ATP9B: variants seen among roughly 807,000 people sequenced by gnomAD.
The protein encoded by ATP9B is probable phospholipid-transporting ATPase IIB.
In ATP9B, 110 loss-of-function variants were observed where a neutral mutation model predicts 146.1. The observed-to-expected ratio is 0.75, with a 90% confidence interval of 0.65 to 0.88. The LOEUF is 0.88. ATP9B is among the 40% of genes least tolerant of loss of function. The pLI, the probability that ATP9B is intolerant of heterozygous loss-of-function variation, is 0.00. For synonymous variants in ATP9B, 604 were observed against 569.7 expected (o/e 1.06, Z -0.86); for missense variants, 1,499 against 1,496.4 (o/e 1.00, Z -0.03).
intron 7 of ATP9B, among the ~76,000 whole-genome samples, chr18:79,157,231 C>CAT (rs1202783828): frequency 4.0e-5 from 6 of 150,940 alleles, no homozygotes; most frequent in African/African-American, 1.5e-4. Flanking sequence ...CACACACACA[C>CAT]ACACACACAC....
At chr18:79,073,381 C>T (rs2072192080) in intron 1 of ATP9B, among the ~76,000 whole-genome samples, 1 of 152,246 alleles carries the variant, frequency 6.6e-6, no homozygotes, top group Admixed American at 6.5e-5. Flanking sequence ...AATCCCAGCA[C>T]CCCGGGAGGC....
chr18:79,118,383 C>CGTTTTT (rs2094125620), intron 4 of ATP9B, among the ~76,000 whole-genome samples: 1 of 102,800 alleles, frequency 9.7e-6, no homozygotes, highest in African/African-American at 3.7e-5. Flanking sequence ...TCATATTGAA[C>CGTTTTT]GTTTTTGTTT....
intron 7 of ATP9B, among the ~76,000 whole-genome samples, chr18:79,155,153 C>T (rs960397621): frequency 6.6e-6 from 1 of 152,012 alleles, no homozygotes; most frequent in Non-Finnish European, 1.5e-5. Context: ...GCTTAAGATA[C>T]AAAAGGGAGC....
intron 15 of ATP9B, among the ~76,000 whole-genome samples, chr18:79,316,806 A>G (rs1034977521): frequency 6.6e-6 from 1 of 152,212 alleles, no homozygotes; most frequent in African/African-American, 2.4e-5. Context: ...CATACAAGTA[A>G]TGATTGAGTA....
intron 7 of ATP9B, among the ~76,000 whole-genome samples, chr18:79,174,866 T>C (rs1304241413): frequency 6.6e-6 from 1 of 152,170 alleles, no homozygotes; most frequent in African/African-American, 2.4e-5. Context: ...CTTTTAGTGA[T>C]GAATAAATAC....
rs186496777 is a variant in ATP9B, at chr18:79,351,884, C to T, written c.2903+3688C>T. On this transcript the variant is annotated intron_variant, in intron 25 of 29. Coordinates refer to ENST00000426216, the MANE Select transcript of ATP9B (RefSeq NM_198531.5). Reference sequence around the variant, plus strand: ...AGAGACAGGACAGCCTGGGGAGGTTCCTGTGACCCCCAAGCCCACTCTGCC... The same window carrying T: ...AGAGACAGGACAGCCTGGGGAGGTTTCTGTGACCCCCAAGCCCACTCTGCC... Among the ~76,000 whole-genome samples the T allele has an allele frequency of 5.9e-5, 9 of 152,192 alleles. No individual in the cohort carries two copies. In the South Asian group the frequency reaches 1.7e-3, roughly 28 times the overall value.
At chr18:79,231,798 A>G (rs2095794932) in intron 11 of ATP9B, among the ~76,000 whole-genome samples, 1 of 112,942 alleles carries the variant, frequency 8.9e-6, no homozygotes, top group African/African-American at 3.2e-5. Flanking sequence ...ATATATATAT[A>G]TATATACACA....
intron 15 of ATP9B, among the ~76,000 whole-genome samples, chr18:79,321,986 A>T (rs1301589130): frequency 1.3e-5 from 2 of 152,182 alleles, no homozygotes; most frequent in African/African-American, 2.4e-5. Context: ...TGTGGAGAAG[A>T]AGTTTTATTG....
At chr18:79,127,599 C>T (rs1390900265) in intron 5 of ATP9B, among the ~76,000 whole-genome samples, 1 of 152,148 alleles carries the variant, frequency 6.6e-6, no homozygotes, top group Non-Finnish European at 1.5e-5. Flanking sequence ...TTTTGTGTAT[C>T]CATTCATTAG....
At chr18:79,366,303 G>A (rs567986779) in intron 26 of ATP9B, among the ~76,000 whole-genome samples, 22 of 152,246 alleles carry the variant, frequency 1.4e-4, no homozygotes, top group Non-Finnish European at 2.6e-4. Flanking sequence ...CCAGCATGGA[G>A]CTAAGGGAGG....
chr18:79,069,445 G>A lies in ATP9B; in HGVS notation c.35G>A (p.Ser12Asn), dbSNP rs760374686. 4 of 1,517,408 alleles carry A rather than the reference G, an allele frequency of 2.6e-6. No homozygotes were observed. The highest frequency in any genetic ancestry group is 3.5e-6 in the Non-Finnish European group (4 of 1,136,308). 94.0% of individuals were successfully genotyped at this position (1,517,408 alleles called of 1,614,324 possible). Residue 12 changes from serine to asparagine, a missense_variant, in exon 1 of 30, where the codon AGC becomes AAC. Transcript: ENST00000426216. ...ADQIPLYPVR[S>N]AAAAAANRKR... is the part of the protein sequence containing the mutation. ...CAGATCCCGCTTTACCCGGTGCGTA[G>A]CGCAGCGGCGGCCGCAGCCAACCGC... is the stretch of plus-strand genomic sequence containing the variant.
intron 4 of ATP9B, among the ~76,000 whole-genome samples, chr18:79,121,726 C>T (rs2094193137): frequency 1.3e-5 from 2 of 152,326 alleles, no homozygotes; most frequent in South Asian, 4.1e-4. Context: ...ACATGTGTTA[C>T]TTATTCAGAG....
chr18:79,321,451 CAGCTCA>C (rs1180043067), intron 15 of ATP9B, among the ~76,000 whole-genome samples: 19 of 150,978 alleles, frequency 1.3e-4, no homozygotes, highest in African/African-American at 4.6e-4. Flanking sequence ...GGCACGATCT[CAGCTCA>C]CTGCAACCTC....
At chr18:79,369,773 T>C (rs1048733660) in intron 26 of ATP9B, among the ~76,000 whole-genome samples, 4 of 152,128 alleles carry the variant, frequency 2.6e-5, no homozygotes, top group African/African-American at 4.8e-5. Context: ...TGTACACATA[T>C]GACTTTGAGG....
chr18:79,372,552 TTAG>T, intron 26 of ATP9B: 1 of 605,106 alleles, frequency 1.7e-6, no homozygotes, highest in Non-Finnish European at 3.1e-6. Context: ...CACTCCTGGC[TTAG>T]TAGAGCCAAC....
chr18:79,135,474 A>G (rs2094436509), intron 5 of ATP9B, among the ~76,000 whole-genome samples: 1 of 151,264 alleles, frequency 6.6e-6, no homozygotes, highest in Admixed American at 6.6e-5. Context: ...TCCTAAACAG[A>G]CTCTTTGGTA....
intron 11 of ATP9B, among the ~76,000 whole-genome samples, chr18:79,240,523 A>G (rs572185857): frequency 6.6e-6 from 1 of 152,338 alleles, no homozygotes; most frequent in African/African-American, 2.4e-5. Flanking sequence ...AGGCAGGCGG[A>G]TCACCTGAGG....
intron 10 of ATP9B, among the ~76,000 whole-genome samples, chr18:79,209,285 A>G (rs892147006): frequency 6.6e-6 from 1 of 152,256 alleles, no homozygotes; most frequent in Admixed American, 6.5e-5. Flanking sequence ...TTTTCCATAC[A>G]TAGTTATTGC....
chr18:79,182,260 CTCTGCAGGTG>C (rs1454799197), intron 8 of ATP9B, among the ~76,000 whole-genome samples: 19 of 152,200 alleles, frequency 1.2e-4, no homozygotes, highest in African/African-American at 4.6e-4. Context: ...ACTCTGTGGT[CTCTGCAGGTG>C]GTTGGGGCTG....
Sources: gnomAD v4.1 joint callset for allele counts (sites outside exome capture counted in the v4.1 genomes callset) on GRCh38, gnomAD v4.1.1 for gene constraint, MANE v1.5 for transcripts, NCBI Gene and HGNC (gene_info 2026-07-23, HGNC 2026-07-21) for gene names.